Variants in MS4A12 observed in about 807,000 individuals in gnomAD.
MS4A12 encodes membrane spanning 4-domains A12, also known as membrane-spanning 4-domains subfamily A member 12.
Under a neutral mutation model 23.7 loss-of-function variants are expected in MS4A12, and 28 were observed. That is an observed-to-expected ratio of 1.18 (90% CI 0.88 to 1.62). The LOEUF (loss-of-function observed/expected upper bound fraction) is 1.62. MS4A12 is among the 40% of genes most tolerant of loss of function. The pLI, the probability that MS4A12 is intolerant of heterozygous loss-of-function variation, is 0.00. For synonymous variants in MS4A12, 108 were observed against 110.1 expected (o/e 0.98, Z 0.12); for missense variants, 342 against 327.0 (o/e 1.05, Z -0.35).
At chr11:60,503,621 C>T (rs969697435) in intron 4 of MS4A12, 80 bp from the exon 5 acceptor site, 3 of 1,144,034 alleles carry the variant, frequency 2.6e-6, no homozygotes, top group Non-Finnish European at 3.7e-6. Context: ...AATTAAGAAC[C>T]ATGAAATTTG....
chr11:60,503,592 A>T, intron 4 of MS4A12, 109 bp from the exon 5 acceptor site: 1 of 876,500 alleles, frequency 1.1e-6, no homozygotes, highest in Non-Finnish European at 1.8e-6. Flanking sequence ...AACTTGAAAA[A>T]TTGTTTTGAA....
chr11:60,504,180 G>A (rs1188358879), intron 5 of MS4A12, among the ~76,000 whole-genome samples: 1 of 152,206 alleles, frequency 6.6e-6, no homozygotes, highest in Non-Finnish European at 1.5e-5. Context: ...TTAAACTTCA[G>A]AGTAAAGTAT....
Position 60,497,471 on chromosome 11 carries a change from C to T in MS4A12, c.153C>T (p.Pro51=). 1.2e-6 allele frequency: 2 copies of T among 1,614,144 alleles called. No individual in the cohort carries two copies. The highest frequency in any genetic ancestry group is 1.7e-6 in the Non-Finnish European group (2 of 1,180,032). Residue 51 remains proline (P), a synonymous_variant, in exon 2 of 7, where the codon CCC becomes CCT. Coordinates refer to ENST00000016913, the MANE Select transcript of MS4A12 (RefSeq NM_017716.3). ...NQAQGAQRAQ[P]YGITSPGIFA... ...CTCAGGGTGCTCAGCGTGCTCAGCC[C>T]TACGGCATCACATCTCCGGGAATCT...
In MS4A12 at chr11:60,497,442, C is replaced by G. The variant is rs1434470510; in HGVS notation, c.124C>G (p.Gln42Glu). Residue 42 changes from glutamine (Q) to glutamate (E), a missense_variant, in exon 2 of 7, where the codon CAA becomes GAA. Physicochemically the swap from Gln to Glu is conservative, Grantham distance 29. Transcript: ENST00000016913. ...QPLGSINLEN[Q>E]AQGAQRAQPY... ...TCTGGGTTCAATCAACTTAGAAAAC[C>G]AAGCTCAGGGTGCTCAGCGTGCTCA... The G allele has an allele frequency of 6.2e-7, 1 of 1,614,054 alleles. No homozygotes were observed. Among genetic ancestry groups the G allele is most frequent in the Non-Finnish European group, 8.5e-7 (1 of 1,180,048 alleles).
intron 3 of MS4A12, 149 bp from the exon 4 acceptor site, chr11:60,501,834 G>T: frequency 1.5e-6 from 1 of 681,908 alleles, no homozygotes; most frequent in South Asian, 1.9e-5. Context: ...ACATATGACT[G>T]AGAGTTACTC....
At chr11:60,493,578 T>C (rs780820106) in intron 1 of MS4A12, among the ~76,000 whole-genome samples, 2 of 152,186 alleles carry the variant, frequency 1.3e-5, no homozygotes, top group Non-Finnish European at 2.9e-5. Flanking sequence ...TTAAGGTACT[T>C]CTTTCTGACA....
intron 4 of MS4A12, 33 bp downstream of exon 4, chr11:60,502,072 T>C (rs754345446): frequency 5.7e-6 from 9 of 1,571,344 alleles, no homozygotes; most frequent in Non-Finnish European, 7.9e-6. Context: ...TTTGAACCCC[T>C]TTAAAGATTA....
At chr11:60,501,275 T>A in intron 3 of MS4A12, 93 bp downstream of exon 3, 1 of 1,320,366 alleles carries the variant, frequency 7.6e-7, no homozygotes, top group Non-Finnish European at 1.0e-6. Context: ...AATTCACAAC[T>A]CATTTCTTGA....
intron 4 of MS4A12, among the ~76,000 whole-genome samples, chr11:60,503,488 T>A (rs567428958): frequency 6.6e-6 from 1 of 152,318 alleles, no homozygotes; most frequent in East Asian, 1.9e-4. Flanking sequence ...GATTTACATT[T>A]TTCTACAGCT....
At position 60,503,824 on chromosome 11, in the gene MS4A12, A is replaced by G. The variant is rs368371684; in HGVS notation, c.588+7A>G. ...CCAAGACTACTGGGCCGTGGTAAGTATCCCATACTCCACCATGTGCCTGCT... is the reference window on the plus strand; with the variant it reads ...CCAAGACTACTGGGCCGTGGTAAGTGTCCCATACTCCACCATGTGCCTGCT... On this transcript the variant is annotated splice_region_variant and intron_variant, in intron 5 of 6. Coordinates refer to ENST00000016913, the MANE Select transcript of MS4A12 (RefSeq NM_017716.3). 34 of 1,605,550 alleles carry G rather than the reference A, an allele frequency of 2.1e-5. No individual in the cohort carries two copies. The African/African-American group carries it at 4.2e-4, about 20-fold the overall frequency.
At chr11:60,495,192 C>T (rs540837487) in intron 1 of MS4A12, among the ~76,000 whole-genome samples, 8 of 150,444 alleles carry the variant, frequency 5.3e-5, no homozygotes, top group Admixed American at 1.3e-4. Flanking sequence ...TTAGTAGAGA[C>T]GGGGTTTCAC....
chr11:60,503,225 T>A (rs750085598), intron 4 of MS4A12, among the ~76,000 whole-genome samples: 1 of 152,126 alleles, frequency 6.6e-6, no homozygotes, highest in African/African-American at 2.4e-5. Flanking sequence ...AGACTTAGGG[T>A]TTTCATTAAT....
At chr11:60,498,702 G>A (rs1401634116) in intron 2 of MS4A12, among the ~76,000 whole-genome samples, 2 of 152,174 alleles carry the variant, frequency 1.3e-5, no homozygotes, top group Non-Finnish European at 2.9e-5. Context: ...ACAAAGAAGT[G>A]TAAAAGGGCT....
At chr11:60,505,248 T>G (rs2086561357) in intron 5 of MS4A12, among the ~76,000 whole-genome samples, 1 of 152,152 alleles carries the variant, frequency 6.6e-6, no homozygotes, top group South Asian at 2.1e-4. Flanking sequence ...GGGCAACTCC[T>G]GTTTTTTAAA....
intron 5 of MS4A12, among the ~76,000 whole-genome samples, chr11:60,506,423 T>G (rs2086569982): frequency 6.6e-6 from 1 of 152,208 alleles, no homozygotes. Context: ...GCTTGACTTT[T>G]TTAATGAGTA....
intron 1 of MS4A12, among the ~76,000 whole-genome samples, chr11:60,496,462 C>T (rs931648867): frequency 6.6e-6 from 1 of 152,112 alleles, no homozygotes. Flanking sequence ...CTGAGATGCT[C>T]TAAGCTTTCA....
At chr11:60,495,527 C>T (rs908568401) in intron 1 of MS4A12, among the ~76,000 whole-genome samples, 2 of 151,788 alleles carry the variant, frequency 1.3e-5, no homozygotes, top group African/African-American at 4.8e-5. Flanking sequence ...ATAATAGAGC[C>T]AACCCTGTAA....
At chr11:60,492,945 G>A (rs1186187984) in intron 1 of MS4A12, 117 bp downstream of exon 1, 1 of 152,126 alleles carries the variant, frequency 6.6e-6, no homozygotes, top group East Asian at 1.9e-4. Flanking sequence ...ACAAGTTCTT[G>A]ACTCTATGTT....
At chr11:60,506,707 A>G (rs1478832271) in intron 5 of MS4A12, 21 bp from the exon 6 acceptor site, 3 of 1,606,726 alleles carry the variant, frequency 1.9e-6, no homozygotes, top group Non-Finnish European at 2.6e-6. Context: ...CCAAAATTTC[A>G]CTATTTATTT....
Sources: gnomAD v4.1 joint callset for allele counts (sites outside exome capture counted in the v4.1 genomes callset) on GRCh38, gnomAD v4.1.1 for gene constraint, MANE v1.5 for transcripts, NCBI Gene and HGNC (gene_info 2026-07-23, HGNC 2026-07-21) for gene names.